The following BCAP29 variants were observed in gnomAD, a reference collection of about 807,000 sequenced individuals.
The protein encoded by BCAP29 is B cell receptor associated protein 29.
In BCAP29, 34 loss-of-function variants were observed where a neutral mutation model predicts 31.8. The observed-to-expected ratio is 1.07, with a 90% CI of 0.81 to 1.42. BCAP29 has a LOEUF of 1.42. Among genes scored for constraint, BCAP29 ranks in the 40% most tolerant of loss-of-function variants. BCAP29 has a pLI of 0.00. For missense variants in BCAP29, 314 were observed against 269.2 expected (o/e 1.17, Z -1.16); for synonymous variants, 104 against 91.3 (o/e 1.14, Z -0.79).
chr7:107,605,321 T>C (rs753399819), intron 6 of BCAP29, among the ~76,000 whole-genome samples: 2 of 152,182 alleles, frequency 1.3e-5, no homozygotes, highest in Non-Finnish European at 2.9e-5. Context: ...CAGAGGGACA[T>C]TAAAGCAAGA....
At chr7:107,580,503 T>C (rs2129203666) in intron 1 of BCAP29, 1 of 395,680 alleles carries the variant, frequency 2.5e-6, no homozygotes, top group Non-Finnish European at 4.5e-6. Flanking sequence ...GGCGTTGGGC[T>C]TCTGTCGCCG....
rs761632111 is a variant in BCAP29, at chr7:107,600,525, A to C, written c.589+20A>C. 15 of 1,393,218 alleles carry C rather than the reference A, an allele frequency of 1.1e-5. No homozygotes were observed. The highest frequency in any genetic ancestry group is 1.4e-5 in the African/African-American group (1 of 69,630). The allele number at this position is 1,393,218 out of a possible 1,614,324, so 86.3% of individuals were successfully genotyped here. The stretch of plus-strand genomic sequence containing the variant: ...CAGATGGTAACTTTGTGTACATGTG[A>C]AAAAGTAAAAAGACTAGCATGATAT... On this transcript the variant is annotated intron_variant, in intron 6 of 7. Transcript: ENST00000005259.
At chr7:107,603,896 G>A (rs1354311063) in intron 6 of BCAP29, among the ~76,000 whole-genome samples, 1 of 152,040 alleles carries the variant, frequency 6.6e-6, no homozygotes, top group Non-Finnish European at 1.5e-5. Flanking sequence ...GAACTGCTGT[G>A]CCTGGGCCTC....
rs140898559 is a variant in BCAP29, at chr7:107,614,437, G to A, written c.690+1005G>A. ...CATCTATAAAAATTGAAACAATAAT[G>A]ATGCCTGGCTCACTGGATTGTTAAG... is the stretch of plus-strand genomic sequence containing the variant. On this transcript the variant is annotated intron_variant, in intron 7 of 7. Transcript: ENST00000005259. 4.7e-3 allele frequency among the ~76,000 whole-genome samples: 715 copies of A among 152,256 alleles called. 3 individuals are homozygous for A. The highest frequency in any genetic ancestry group is 0.027 in the Middle Eastern group (8 of 294).
Position 107,580,777 on chromosome 7 carries a change from C to T in BCAP29, c.5C>T (p.Thr2Ile), listed in dbSNP as rs1414697995. M[T>I]LQWAAVATFL... ...CATTTAGGTGTGAAGAAAAAAATGA[C>T]ACTCCAATGGGCTGCAGTGGCAACC... The change falls in exon 2 of 8, where the codon ACA (threonine) becomes ATA (isoleucine). Residue 2 changes from threonine (T) to isoleucine (I), a missense_variant. Coordinates refer to ENST00000005259, the MANE Select transcript of BCAP29 (RefSeq NM_018844.4). 3 of 1,594,026 alleles carry T rather than the reference C, an allele frequency of 1.9e-6. No individual in the cohort carries two copies. Among genetic ancestry groups the T allele is most frequent in the African/African-American group, 2.7e-5 (2 of 73,378 alleles).
rs1814628625 is a variant in BCAP29 at position 107,618,756 on chromosome 7, A to C, written c.*393A>C. 1 of 578,718 alleles carries C rather than the reference A, an allele frequency of 1.7e-6. No individual in the cohort carries two copies. Among genetic ancestry groups the C allele is most frequent in the Admixed American group, 3.3e-5 (1 of 30,298 alleles). 35.8% of individuals were successfully genotyped at this position (578,718 alleles called of 1,614,324 possible). A position where few individuals can be genotyped will look rare whatever the true frequency, so the allele number is the denominator to read the frequency against. ...TTCAGTAATAATAACCTATTTAATCAGATGATGATGTGTTTGAAAATAGTG... is the reference window on the plus strand; with the variant it reads ...TTCAGTAATAATAACCTATTTAATCCGATGATGATGTGTTTGAAAATAGTG... On this transcript the variant is annotated 3_prime_UTR_variant, in exon 8 of 8. Transcript: ENST00000005259.
intron 4 of BCAP29, among the ~76,000 whole-genome samples, chr7:107,595,665 T>G (rs1198739702): frequency 1.3e-5 from 2 of 152,182 alleles, no homozygotes; most frequent in East Asian, 1.9e-4. Flanking sequence ...AATGCTGGTC[T>G]TCTAACAAAG....
chr7:107,584,631 G>T (rs1202405799), intron 3 of BCAP29, among the ~76,000 whole-genome samples: 4 of 152,106 alleles, frequency 2.6e-5, no homozygotes, highest in African/African-American at 9.7e-5. Context: ...GATTGCCTGA[G>T]CCCAGAAGTT....
At chr7:107,580,634 T>A in intron 1 of BCAP29, 125 bp from the exon 2 acceptor site, 1 of 650,068 alleles carries the variant, frequency 1.5e-6, no homozygotes, top group Non-Finnish European at 2.6e-6. Context: ...GGGTCCGTGC[T>A]TGCCTTCCCA....
At chr7:107,583,670 G>C (rs1563124404) in intron 2 of BCAP29, among the ~76,000 whole-genome samples, 1 of 151,996 alleles carries the variant, frequency 6.6e-6, no homozygotes, top group Non-Finnish European at 1.5e-5. Context: ...CCAGACAGAG[G>C]ATAATCAAAT....
At chr7:107,591,099 C>T (rs1026662984) in intron 3 of BCAP29, among the ~76,000 whole-genome samples, 1 of 151,804 alleles carries the variant, frequency 6.6e-6, no homozygotes, top group African/African-American at 2.4e-5. Context: ...CAGAAAACTA[C>T]AAAAACATTG....
chr7:107,588,347 G>A (rs957323954), intron 3 of BCAP29, among the ~76,000 whole-genome samples: 31 of 152,196 alleles, frequency 2.0e-4, no homozygotes, highest in African/African-American at 7.2e-4. Context: ...GCACAGCATT[G>A]TGAATATACT....
At chr7:107,586,296 A>C (rs984162563) in intron 3 of BCAP29, among the ~76,000 whole-genome samples, 3 of 152,142 alleles carry the variant, frequency 2.0e-5, no homozygotes, top group African/African-American at 7.2e-5. Flanking sequence ...CTGAATCCCA[A>C]TTCCACATCA....
intron 3 of BCAP29, among the ~76,000 whole-genome samples, chr7:107,586,828 A>G (rs1362835342): frequency 6.6e-6 from 1 of 151,468 alleles, no homozygotes; most frequent in Non-Finnish European, 1.5e-5. Context: ...TCCAGGCTCA[A>G]GTAATTCTCC....
At chr7:107,606,999 A>G (rs1465145237) in intron 6 of BCAP29, among the ~76,000 whole-genome samples, 1 of 152,186 alleles carries the variant, frequency 6.6e-6, no homozygotes, top group Non-Finnish European at 1.5e-5. Flanking sequence ...CCCCAGAAGC[A>G]ACTACATTCA....
rs777718819 is a variant in BCAP29, at chr7:107,620,019, A to T, written c.*1656A>T. The T allele has an allele frequency of 6.6e-6, 1 of 152,220 alleles. No homozygotes were observed. Among genetic ancestry groups the T allele is most frequent in the Non-Finnish European group, 1.5e-5 (1 of 68,036 alleles). 9.4% of individuals were successfully genotyped at this position (152,220 alleles called of 1,614,324 possible). A position where few individuals can be genotyped will look rare whatever the true frequency, so the allele number is the denominator to read the frequency against. On this transcript the variant is annotated 3_prime_UTR_variant, in exon 8 of 8. Coordinates refer to ENST00000005259, the MANE Select transcript of BCAP29 (RefSeq NM_018844.4). Reference sequence around the variant, plus strand: ...AACTAAGATAATACAGTGATTCTCAAAGTTGTTCAGACTGTATAGTAAGGA... The same window carrying T: ...AACTAAGATAATACAGTGATTCTCATAGTTGTTCAGACTGTATAGTAAGGA...
At chr7:107,582,919 A>G (rs1806960944) in intron 2 of BCAP29, among the ~76,000 whole-genome samples, 1 of 152,146 alleles carries the variant, frequency 6.6e-6, no homozygotes. Context: ...GGAAGCAGAG[A>G]CAAAATGAAC....
Position 107,584,869 on chromosome 7 carries a change from A to G in BCAP29, c.193+887A>G, listed in dbSNP as rs531699022. Among the ~76,000 whole-genome samples, 12 of 152,288 alleles carry G rather than the reference A, an allele frequency of 7.9e-5. No individual in the cohort carries two copies. In the South Asian group the frequency reaches 1.9e-3, roughly 24 times the overall value. ...TATATAGCCTGTGGGCCAAATACCT[A>G]TTTTTGTAAATAAAGTTTTATTGGG... On this transcript the variant is annotated intron_variant, in intron 3 of 7. Coordinates refer to ENST00000005259, the MANE Select transcript of BCAP29 (RefSeq NM_018844.4).
At chr7:107,613,559 T>A in intron 7 of BCAP29, 127 bp downstream of exon 7, 7 of 1,388,090 alleles carry the variant, frequency 5.0e-6, no homozygotes, top group Non-Finnish European at 7.0e-6. Context: ...TTAAACGATT[T>A]AAAGAAGCCA....
Sources: allele counts gnomAD v4.1 joint callset (sites outside exome capture counted in the v4.1 genomes callset), GRCh38; gene constraint gnomAD v4.1.1; transcripts MANE v1.5; gene names NCBI Gene and HGNC (gene_info 2026-07-23, HGNC 2026-07-21).